The following LOC400499 variants were observed in gnomAD, a reference collection of about 807,000 sequenced individuals.
chr16:11,441,134 G>A, the LOC400499 span: 1 of 398,690 alleles, frequency 2.5e-6, no homozygotes, highest in Admixed American at 4.4e-5. Flanking sequence ...CTATGTGCCT[G>A]CAGAAGCTAC....
At chr16:11,518,922 G>A in the LOC400499 span, 7 of 398,940 alleles carry the variant, frequency 1.8e-5, no homozygotes, top group African/African-American at 1.4e-4. Flanking sequence ...GACTCCTTCA[G>A]AAGCTCCACC....
At chr16:11,422,576 C>T in the LOC400499 span, among the ~76,000 whole-genome samples, 1 of 152,184 alleles carries the variant, frequency 6.6e-6, no homozygotes, top group East Asian at 1.9e-4. Context: ...TTTATGTCAC[C>T]TGTTTTATGA....
chr16:11,427,172 A>G, the LOC400499 span, among the ~76,000 whole-genome samples: 24 of 151,574 alleles, frequency 1.6e-4, 1 homozygote, highest in Middle Eastern at 3.4e-3. Context: ...AGCCTGACCA[A>G]CAAGGAGAAA....
the LOC400499 span, among the ~76,000 whole-genome samples, chr16:11,509,187 G>A: frequency 6.2e-5 from 9 of 146,144 alleles, no homozygotes; most frequent in Non-Finnish European, 8.9e-5. Context: ...GCGCGATCTC[G>A]GCTCACTGCA....
At chr16:11,446,436 G>T in the LOC400499 span, 1 of 947,690 alleles carries the variant, frequency 1.1e-6, no homozygotes, top group Non-Finnish European at 1.6e-6. Flanking sequence ...AAGATTACAG[G>T]TGTGAGCCAC....
chr16:11,501,037 G>A, the LOC400499 span: 14 of 398,140 alleles, frequency 3.5e-5, no homozygotes, highest in Non-Finnish European at 6.2e-5. Flanking sequence ...AGTCACCCGG[G>A]GGTAAACTGA....
At chr16:11,391,621 C>CA in the LOC400499 span, 2 of 1,229,922 alleles carry the variant, frequency 1.6e-6, no homozygotes, top group Admixed American at 8.4e-5. Flanking sequence ...AGAGGGGGGA[C>CA]ATTGATTTCC....
chr16:11,384,771 C>T, the LOC400499 span: 35 of 926,746 alleles, frequency 3.8e-5, no homozygotes, highest in South Asian at 9.0e-4. Context: ...ATGCTAGAGA[C>T]GAGGCCGGCA....
chr16:11,436,967 T>C, the LOC400499 span, among the ~76,000 whole-genome samples: 1 of 152,050 alleles, frequency 6.6e-6, no homozygotes, highest in Admixed American at 6.6e-5. Context: ...ACCCAGACAA[T>C]GGAATATTAT....
the LOC400499 span, chr16:11,383,942 C>T: frequency 4.3e-5 from 53 of 1,231,800 alleles, no homozygotes; most frequent in East Asian, 1.6e-4. Flanking sequence ...GCCCAGCAGG[C>T]GGGGAGCTGT....
the LOC400499 span, chr16:11,450,709 C>A: frequency 6.5e-7 from 1 of 1,536,046 alleles, no homozygotes; most frequent in African/African-American, 1.4e-5. Context: ...CTTTAGGGTC[C>A]AGGCCTTGCC....
chr16:11,518,829 A>G, the LOC400499 span: 143 of 398,928 alleles, frequency 3.6e-4, 2 homozygotes, highest in East Asian at 5.1e-3. Context: ...ACAGCTGTTG[A>G]AAGACGGCAG....
At chr16:11,493,750 A>G in the LOC400499 span, 1 of 392,708 alleles carries the variant, frequency 2.5e-6, no homozygotes, top group Non-Finnish European at 4.5e-6. Flanking sequence ...GGTGAGAGCC[A>G]TGGCTGCCAA....
chr16:11,450,645 C>A, the LOC400499 span: 1 of 1,536,114 alleles, frequency 6.5e-7, no homozygotes, highest in Non-Finnish European at 8.7e-7. Flanking sequence ...AAACCTGGAT[C>A]TTGCCTTCCC....
the LOC400499 span, chr16:11,425,240 G>A: frequency 2.9e-3 from 1,147 of 399,006 alleles, 13 homozygotes; most frequent in African/African-American, 0.021. Context: ...CCCGGATGCT[G>A]GCCTGGGCCC....
At chr16:11,476,845 C>G in the LOC400499 span, 1 of 399,568 alleles carries the variant, frequency 2.5e-6, no homozygotes, top group Admixed American at 4.4e-5. Context: ...CTGGATCCCG[C>G]CATCCAGGCT....
At chr16:11,526,127 C>G in the LOC400499 span, among the ~76,000 whole-genome samples, 1 of 152,212 alleles carries the variant, frequency 6.6e-6, no homozygotes, top group East Asian at 1.9e-4. Flanking sequence ...AATATCAAAA[C>G]AATTACATCA....
chr16:11,481,775 G>T, the LOC400499 span, among the ~76,000 whole-genome samples: 1 of 151,998 alleles, frequency 6.6e-6, no homozygotes, highest in Non-Finnish European at 1.5e-5. Context: ...TGGTATTACA[G>T]GTGCACACCA....
the LOC400499 span, chr16:11,392,040 C>T: frequency 2.5e-6 from 1 of 401,828 alleles, no homozygotes; most frequent in Non-Finnish European, 4.4e-6. Context: ...CAGAGGCACC[C>T]AAGCCTTGAA....
Sources: allele counts gnomAD v4.1 joint callset (sites outside exome capture counted in the v4.1 genomes callset), GRCh38; gene constraint gnomAD v4.1.1; transcripts MANE v1.5.